NFIX: variants seen among roughly 807,000 people sequenced by gnomAD.
NFIX encodes the protein nuclear factor I X, also known as nuclear factor 1 X-type.
Under a neutral mutation model 53.3 loss-of-function variants are expected in NFIX, and 2 were observed. The ratio of observed to expected loss-of-function variants is 0.04; its 90% CI spans 0.02 to 0.12. The LOEUF (loss-of-function observed/expected upper bound fraction) is 0.12. Among genes scored for constraint, NFIX ranks in the 10% least tolerant of loss-of-function variants. The probability of loss-of-function intolerance (pLI) is 1.00; values close to 1 mark genes in which losing one functional copy is unlikely to be tolerated. For missense variants in NFIX, 310 were observed against 674.5 expected, an observed-to-expected ratio of 0.46 and a Z score of 5.99; for synonymous variants, 244 against 289.0, an observed-to-expected ratio of 0.84 and a Z score of 1.58.
rs2018014139 is a variant in NFIX at position 13,089,602 on chromosome 19, T to C, written c.1403-697T>C. On this transcript the variant is annotated intron_variant, in intron 9 of 10. Coordinates refer to ENST00000592199, the MANE Select transcript of NFIX (RefSeq NM_001365902.3). This position sits in a 1 kb window ranked among gnomAD's most constrained non-coding sequence, Gnocchi z 4.8. ...CATAGGCCTGAGCCTTGCCACCCCCTGGGCCCAAGCCAGGCAGCCAGCTCC... is the reference window on the plus strand; with the variant it reads ...CATAGGCCTGAGCCTTGCCACCCCCCGGGCCCAAGCCAGGCAGCCAGCTCC... Among the ~76,000 whole-genome samples, 4 of 152,316 alleles carry C rather than the reference T, an allele frequency of 2.6e-5. No individual in the cohort carries two copies. Among genetic ancestry groups the C allele is most frequent in the African/African-American group, 9.6e-5 (4 of 41,580 alleles).
intron 8 of NFIX, among the ~76,000 whole-genome samples, chr19:13,083,093 TCTTGGCTGACTCTGCA>T (rs1279773941): frequency 6.6e-6 from 1 of 152,214 alleles, no homozygotes; most frequent in African/African-American, 2.4e-5. Context: ...CGAGGGTTTC[TCTTGGCTGACTCTGCA>T]GCTCCTTAGC....
chr19:13,084,118 C>T (rs2017634221), intron 8 of NFIX, among the ~76,000 whole-genome samples: 1 of 152,198 alleles, frequency 6.6e-6, no homozygotes, highest in African/African-American at 2.4e-5. Flanking sequence ...TCAGAAGTCA[C>T]AGATCAGTTT....
Position 13,051,858 on chromosome 19 carries a change from GGGGCGGCTCCCGGGAGCAGCC to G in NFIX, c.560-21180_560-21160del, listed in dbSNP as rs578012374. Among the ~76,000 whole-genome samples the G allele has an allele frequency of 6.2e-4, 94 of 152,310 alleles. No homozygotes were observed. The South Asian group carries it at 7.7e-3, about 12-fold the overall frequency. ...GCCTTAGCAGGTGCCTGGAGGGGGC[GGGGCGGCTCCCGGGAGCAGCC>G]GGGCGGCTGCGGGAAGGCACTTCTT... On this transcript the variant is annotated intron_variant, in intron 2 of 10. Coordinates refer to ENST00000592199, the MANE Select transcript of NFIX (RefSeq NM_001365902.3). This position sits in a 1 kb window ranked among gnomAD's most constrained non-coding sequence, Gnocchi z 5.1.
At chr19:13,033,317 T>C (rs1323617369) in intron 2 of NFIX, among the ~76,000 whole-genome samples, 2 of 152,120 alleles carry the variant, frequency 1.3e-5, no homozygotes, top group African/African-American at 4.8e-5. Flanking sequence ...TCCCTTACTT[T>C]GTCTATAATG....
At chr19:13,074,116 G>A (rs2016931520) in intron 5 of NFIX, 90 bp downstream of exon 5, 13 of 1,523,500 alleles carry the variant, frequency 8.5e-6, no homozygotes, top group Middle Eastern at 1.9e-4. Context: ...GTGTCACTGA[G>A]GCTAGGGTGC....
Position 13,029,886 on chromosome 19 carries a change from C to T in NFIX, c.559+4334C>T, listed in dbSNP as rs146451325. On this transcript the variant is annotated intron_variant, in intron 2 of 10. Transcript: ENST00000592199. ...GGGAGGGCTGCCCATCCACGTCCTTCCTTGGCGGTGGAGGGCATTGTTCAG... is the reference window on the plus strand; with the variant it reads ...GGGAGGGCTGCCCATCCACGTCCTTTCTTGGCGGTGGAGGGCATTGTTCAG... Among the ~76,000 whole-genome samples, 83 of 152,300 alleles carry T rather than the reference C, an allele frequency of 5.4e-4. 1 individual carries two copies. Among genetic ancestry groups the T allele is most frequent in the Middle Eastern group, 3.4e-3 (1 of 294 alleles).
At position 13,056,544 on chromosome 19, in the gene NFIX, C is replaced by T. The variant is rs140587277; in HGVS notation, c.560-16503C>T. Among the ~76,000 whole-genome samples, 144 of 152,226 alleles carry T rather than the reference C, an allele frequency of 9.5e-4. No individual in the cohort carries two copies. The Middle Eastern group carries it at 0.01, about 11-fold the overall frequency. On this transcript the variant is annotated intron_variant, in intron 2 of 10. Transcript: ENST00000592199. Reference sequence around the variant, plus strand: ...TTTCACAAAGATCCTGCGTGGAGTCCCGCCTTCTAGGATGCTTCATTTGAA... The same window carrying T: ...TTTCACAAAGATCCTGCGTGGAGTCTCGCCTTCTAGGATGCTTCATTTGAA...
At chr19:13,029,349 A>G (rs2013619399) in intron 2 of NFIX, among the ~76,000 whole-genome samples, 1 of 152,118 alleles carries the variant, frequency 6.6e-6, no homozygotes, top group South Asian at 2.1e-4. Flanking sequence ...GTATCATCAG[A>G]TACTGGTTAA....
chr19:13,046,067 G>A (rs1253340274), intron 2 of NFIX, among the ~76,000 whole-genome samples: 3 of 152,214 alleles, frequency 2.0e-5, no homozygotes, highest in Non-Finnish European at 4.4e-5. Context: ...GCAGAGGCCT[G>A]GCAAGTAAAC....
chr19:13,086,672 G>T (rs1287155087), intron 8 of NFIX, among the ~76,000 whole-genome samples: 1 of 152,194 alleles, frequency 6.6e-6, no homozygotes, highest in Non-Finnish European at 1.5e-5. Flanking sequence ...GTGTCTCCTT[G>T]AGGGGGACAG....
chr19:13,010,699 G>C (rs1439536427), intron 1 of NFIX, among the ~76,000 whole-genome samples: 1 of 152,222 alleles, frequency 6.6e-6, no homozygotes, highest in Non-Finnish European at 1.5e-5. Flanking sequence ...GCCCGCTCTG[G>C]TGCCCACACA....
chr19:13,076,464 GTGTGCA>G (rs1445090427), intron 6 of NFIX, among the ~76,000 whole-genome samples: 3 of 152,212 alleles, frequency 2.0e-5, no homozygotes, highest in Non-Finnish European at 4.4e-5. Context: ...GCGTGTGTGT[GTGTGCA>G]TGTGCATGAG....
At chr19:13,033,055 G>C (rs1246578640) in intron 2 of NFIX, among the ~76,000 whole-genome samples, 1 of 152,102 alleles carries the variant, frequency 6.6e-6, no homozygotes, top group Non-Finnish European at 1.5e-5. Context: ...CTGGTTGGCA[G>C]ACGGGAGGAG....
At chr19:13,053,912 C>A (rs1425136916) in intron 2 of NFIX, among the ~76,000 whole-genome samples, 3 of 152,096 alleles carry the variant, frequency 2.0e-5, no homozygotes. Context: ...GTGCTGCCCC[C>A]ACCTCTACCA....
chr19:13,073,024 C>G lies in NFIX; in HGVS notation c.560-23C>G. 6.2e-7 allele frequency: 1 copy of G among 1,612,482 alleles called. No individual in the cohort carries two copies. Among genetic ancestry groups the G allele is most frequent in the Non-Finnish European group, 8.5e-7 (1 of 1,178,562 alleles). Reference sequence around the variant, plus strand: ...TGGGGAACTTTGCTCCTGATACATTCTCCCCTTTTGTGTCTCCTGCAGAAT... The same window carrying G: ...TGGGGAACTTTGCTCCTGATACATTGTCCCCTTTTGTGTCTCCTGCAGAAT... On this transcript the variant is annotated intron_variant, in intron 2 of 10. Transcript: ENST00000592199. The surrounding 1 kb of genome is among the most constrained non-coding windows in gnomAD (Gnocchi z 4.5).
chr19:13,092,010 C>A (rs532885302), intron 10 of NFIX, among the ~76,000 whole-genome samples: 1 of 152,316 alleles, frequency 6.6e-6, no homozygotes, highest in Non-Finnish European at 1.5e-5. Context: ...CAGCGGGGGT[C>A]CAGGGCCCCT....
Position 13,090,230 on chromosome 19 carries a change from C to G in NFIX, c.1403-69C>G, listed in dbSNP as rs1599880560. ...CAGTCTCTCCCTCTCTCAGCAGCCC[C>G]GAGGGGCAGTGCCCAGGTGGGCCCC... On this transcript the variant is annotated intron_variant, in intron 9 of 10. Transcript: ENST00000592199. The surrounding 1 kb of genome is among the most constrained non-coding windows in gnomAD (Gnocchi z 6.6). 3.5e-6 allele frequency: 5 copies of G among 1,447,094 alleles called. No homozygotes were observed. The Admixed American group carries it at 8.4e-5, about 24-fold the overall frequency. The allele number at this position is 1,447,094 out of a possible 1,614,324, so 89.6% of individuals were successfully genotyped here.
rs1016031330 is a variant in NFIX at position 13,067,833 on chromosome 19, C to T, written c.560-5214C>T. On this transcript the variant is annotated intron_variant, in intron 2 of 10. Coordinates refer to ENST00000592199, the MANE Select transcript of NFIX (RefSeq NM_001365902.3). This position sits in a 1 kb window ranked among gnomAD's most constrained non-coding sequence, Gnocchi z 4.2. ...TATATTAAAAACATGCATCCGGGCA[C>T]GGTGGCTCACGCCTGTAATCCCAGC... is the stretch of plus-strand genomic sequence containing the variant. Among the ~76,000 whole-genome samples, 5 of 152,048 alleles carry T rather than the reference C, an allele frequency of 3.3e-5. No homozygotes were observed. Among genetic ancestry groups the T allele is most frequent in the South Asian group, 2.1e-4 (1 of 4,834 alleles).
Position 13,012,715 on chromosome 19 carries a change from C to G in NFIX, c.28-12306C>G, listed in dbSNP as rs1312102747. On this transcript the variant is annotated intron_variant, in intron 1 of 10. Coordinates refer to ENST00000592199, the MANE Select transcript of NFIX (RefSeq NM_001365902.3). The surrounding 1 kb of genome is among the most constrained non-coding windows in gnomAD (Gnocchi z 5.0). ...GCCGTGAATGCGATGTTGATGATTG[C>G]TGTGATTCTTTGGGTGCTTGGGAGA... Among the ~76,000 whole-genome samples, 3 of 152,176 alleles carry G rather than the reference C, an allele frequency of 2.0e-5. No individual in the cohort carries two copies. Among genetic ancestry groups the G allele is most frequent in the Non-Finnish European group, 4.4e-5 (3 of 68,038 alleles).
Sources: gnomAD v4.1 joint callset for allele counts (sites outside exome capture counted in the v4.1 genomes callset) on GRCh38, gnomAD v4.1.1 for gene constraint, Gnocchi (gnomAD v3.1) non-coding constraint, MANE v1.5 for transcripts, NCBI Gene and HGNC (gene_info 2026-07-23, HGNC 2026-07-21) for gene names.